The following TRIM67 variants were observed in gnomAD, a reference collection of about 807,000 sequenced individuals.
TRIM67 encodes the protein tripartite motif-containing protein 67.
A neutral mutation model predicts 71.0 loss-of-function variants in TRIM67; 39 were observed. The observed-to-expected ratio is 0.55, with a 90% confidence interval of 0.43 to 0.72. The LOEUF is 0.72. Ranked by LOEUF, TRIM67 falls within the 30% of genes least tolerant of loss-of-function variation. The pLI, the probability that TRIM67 is intolerant of heterozygous loss-of-function variation, is 0.00. For missense variants in TRIM67, 973 were observed against 1,079.2 expected, an observed-to-expected ratio of 0.90 and a Z score of 1.38; for synonymous variants, 481 against 473.9, an observed-to-expected ratio of 1.01 and a Z score of -0.19.
intron 1 of TRIM67, among the ~76,000 whole-genome samples, chr1:231,190,867 C>T (rs1683213564): frequency 6.6e-6 from 1 of 152,102 alleles, no homozygotes. Flanking sequence ...CTATTCTTTC[C>T]CCACTTCCAG....
chr1:231,218,282 A>G lies in TRIM67; in HGVS notation c.*2842A>G. On this transcript the variant is annotated 3_prime_UTR_variant, in exon 10 of 10. Transcript: ENST00000366653. ...GGTGGCACATTTGTACATACATATA[A>G]ATGATATCAAGATGAGGCTTTTGTT... is the stretch of plus-strand genomic sequence containing the variant. 1.0e-6 allele frequency: 1 copy of G among 987,686 alleles called. No individual in the cohort carries two copies. Among genetic ancestry groups the G allele is most frequent in the East Asian group, 1.1e-4 (1 of 8,912 alleles). The allele number at this position is 987,686 out of a possible 1,614,324, so 61.2% of individuals were successfully genotyped here. A position where few individuals can be genotyped will look rare whatever the true frequency, so the allele number is the denominator to read the frequency against.
chr1:231,168,857 G>A (rs541637726), intron 1 of TRIM67, among the ~76,000 whole-genome samples: 5 of 152,322 alleles, frequency 3.3e-5, no homozygotes, highest in Admixed American at 2.6e-4. Context: ...TGGGCAAAAA[G>A]AGTTAGGTAG....
At chr1:231,197,492 A>G (rs1683398063) in intron 2 of TRIM67, 26 bp downstream of exon 2, 1 of 1,604,096 alleles carries the variant, frequency 6.2e-7, no homozygotes, top group South Asian at 1.1e-5. Flanking sequence ...GCGTCGGGAG[A>G]AATACTCAGT....
At chr1:231,187,625 C>G in intron 1 of TRIM67, 1 of 1,430,452 alleles carries the variant, frequency 7.0e-7, no homozygotes, top group Non-Finnish European at 9.4e-7. Context: ...GCTTCGATTC[C>G]TGTTTTAATA....
chr1:231,195,928 G>A (rs538096194), intron 1 of TRIM67, among the ~76,000 whole-genome samples: 12 of 152,206 alleles, frequency 7.9e-5, no homozygotes, highest in South Asian at 2.1e-4. Flanking sequence ...TTTGACAACC[G>A]TTGGTGTGGT....
chr1:231,210,341 G>C (rs1398032893), intron 8 of TRIM67, among the ~76,000 whole-genome samples: 3 of 152,104 alleles, frequency 2.0e-5, no homozygotes, highest in African/African-American at 7.2e-5. Flanking sequence ...TTCCCGCAGA[G>C]GAAGGACCAG....
At chr1:231,189,602 G>C (rs1465517673) in intron 1 of TRIM67, among the ~76,000 whole-genome samples, 1 of 152,158 alleles carries the variant, frequency 6.6e-6, no homozygotes, top group East Asian at 1.9e-4. Context: ...AGTTCTGGAG[G>C]CTAGGAAGTC....
chr1:231,188,896 C>T (rs1201142514), intron 1 of TRIM67, among the ~76,000 whole-genome samples: 6 of 152,150 alleles, frequency 3.9e-5, no homozygotes, highest in Admixed American at 2.6e-4. Flanking sequence ...TGACTGGGTT[C>T]GGGCAGTCAG....
chr1:231,198,132 G>A (rs776173403), intron 2 of TRIM67, among the ~76,000 whole-genome samples: 1 of 152,132 alleles, frequency 6.6e-6, no homozygotes, highest in Admixed American at 6.5e-5. Flanking sequence ...TTTTGTGGCC[G>A]AATATGCCCA....
chr1:231,210,714 G>T (rs759253461), intron 8 of TRIM67, among the ~76,000 whole-genome samples: 1 of 151,858 alleles, frequency 6.6e-6, no homozygotes, highest in East Asian at 1.9e-4. Context: ...CCTTGCAAAG[G>T]TACTATTATT....
In TRIM67 at chr1:231,219,845, C is replaced by T. The variant is rs552193078; in HGVS notation, c.*4405C>T. The stretch of plus-strand genomic sequence containing the variant: ...AGTTCCTCCCAGAAGATCAAAGGAT[C>T]CTGCAGCTTTAACCTAATATCTAGG... On this transcript the variant is annotated 3_prime_UTR_variant, in exon 10 of 10. Coordinates refer to ENST00000366653, the MANE Select transcript of TRIM67 (RefSeq NM_001004342.5). 1 of 1,288,660 alleles carries T rather than the reference C, an allele frequency of 7.8e-7. No individual in the cohort carries two copies. The highest frequency in any genetic ancestry group is 1.2e-5 in the South Asian group (1 of 80,842). The allele number at this position is 1,288,660 out of a possible 1,614,324, so 79.8% of individuals were successfully genotyped here.
chr1:231,163,820 C>G lies in TRIM67; in HGVS notation c.851C>G (p.Pro284Arg), dbSNP rs1682369970. The G allele has an allele frequency of 3.3e-6, 5 of 1,515,870 alleles. No homozygotes were observed. Among genetic ancestry groups the G allele is most frequent in the Non-Finnish European group, 2.7e-6 (3 of 1,129,274 alleles). The allele number at this position is 1,515,870 out of a possible 1,614,324, so 93.9% of individuals were successfully genotyped here. A position where few individuals can be genotyped will look rare whatever the true frequency, so the allele number is the denominator to read the frequency against. ...APSGGGGCKS[P>R]GGAGAGATGG... ...AGCGGAGGCGGCGGCTGCAAGAGCC[C>G]GGGAGGCGCGGGGGCGGGGGCGACT... Residue 284 changes from proline to arginine, a missense_variant, in exon 1 of 10, where the codon CCG becomes CGG. Physicochemically the swap from Pro to Arg is moderately radical, Grantham distance 103. Coordinates refer to ENST00000366653, the MANE Select transcript of TRIM67 (RefSeq NM_001004342.5).
At position 231,199,184 on chromosome 1, in the gene TRIM67, G is replaced by A. The variant is rs777544104; in HGVS notation, c.1263+15G>A. On this transcript the variant is annotated intron_variant, in intron 3 of 9. Transcript: ENST00000366653. ...ACAAGTTGAAGGTAGGTACCTGGGGGACTGACACATTGAATCCCTGCCACA... is the reference window on the plus strand; with the variant it reads ...ACAAGTTGAAGGTAGGTACCTGGGGAACTGACACATTGAATCCCTGCCACA... 34 of 1,613,380 alleles carry A rather than the reference G, an allele frequency of 2.1e-5. No homozygotes were observed. The African/African-American group carries it at 2.9e-4, about 14-fold the overall frequency.
intron 7 of TRIM67, among the ~76,000 whole-genome samples, chr1:231,207,349 C>A (rs1226796461): frequency 6.6e-6 from 1 of 152,206 alleles, no homozygotes; most frequent in Non-Finnish European, 1.5e-5. Context: ...AGCATCAGAG[C>A]TCACATCCAG....
intron 9 of TRIM67, 56 bp from the exon 10 acceptor site, chr1:231,215,319 C>T: frequency 6.3e-7 from 1 of 1,588,076 alleles, no homozygotes; most frequent in Non-Finnish European, 8.6e-7. Flanking sequence ...TGTCAGAGCC[C>T]TCAGGGTCCC....
chr1:231,217,376 TTG>T lies in TRIM67; in HGVS notation c.*1937_*1938del, dbSNP rs1684041007. ...CATCCCAGAGCCCTGTCCAGAGCTC[TTG>T]GTGGTGACACACAAGACCTGGGACC... On this transcript the variant is annotated 3_prime_UTR_variant, in exon 10 of 10. Transcript: ENST00000366653. The T allele has an allele frequency of 1.0e-6, 1 of 986,896 alleles. No individual in the cohort carries two copies. Among genetic ancestry groups the T allele is most frequent in the Non-Finnish European group, 1.2e-6 (1 of 830,908 alleles). 61.1% of individuals were successfully genotyped at this position (986,896 alleles called of 1,614,324 possible).
intron 5 of TRIM67, among the ~76,000 whole-genome samples, chr1:231,202,843 A>G (rs1217980060): frequency 6.6e-6 from 1 of 152,132 alleles, no homozygotes; most frequent in Non-Finnish European, 1.5e-5. Context: ...TGGAAGAGAG[A>G]GGTCCCCTTG....
intron 1 of TRIM67, among the ~76,000 whole-genome samples, chr1:231,173,607 G>A (rs1317202758): frequency 6.6e-6 from 1 of 152,182 alleles, no homozygotes; most frequent in African/African-American, 2.4e-5. Context: ...TGTGCTTGGG[G>A]CATAATGAAA....
In TRIM67 at chr1:231,219,032, G is replaced by A. The variant is rs749279003; in HGVS notation, c.*3592G>A. The A allele has an allele frequency of 2.0e-5, 20 of 985,520 alleles. No homozygotes were observed. The highest frequency in any genetic ancestry group is 2.3e-5 in the Non-Finnish European group (19 of 829,998). The allele number at this position is 985,520 out of a possible 1,614,324, so 61.0% of individuals were successfully genotyped here. A position where few individuals can be genotyped will look rare whatever the true frequency, so the allele number is the denominator to read the frequency against. The stretch of plus-strand genomic sequence containing the variant: ...CCTGGGAAGGCGGGTTTCGGCACCG[G>A]TGGGCAGGTGGTTCAGTGTCAAGGA... On this transcript the variant is annotated 3_prime_UTR_variant, in exon 10 of 10. Coordinates refer to ENST00000366653, the MANE Select transcript of TRIM67 (RefSeq NM_001004342.5).
Sources: allele counts gnomAD v4.1 joint callset (sites outside exome capture counted in the v4.1 genomes callset), GRCh38; gene constraint gnomAD v4.1.1; transcripts MANE v1.5; gene names NCBI Gene and HGNC (gene_info 2026-07-23, HGNC 2026-07-21).